DNAH11: variants seen among roughly 807,000 people sequenced by gnomAD.
The protein encoded by DNAH11 is dynein axonemal heavy chain 11.
A neutral mutation model predicts 526.0 loss-of-function variants in DNAH11; 442 were observed. The observed-to-expected ratio is 0.84, with a 90% CI of 0.78 to 0.91. The LOEUF is 0.91. DNAH11 is among the 40% of genes least tolerant of loss of function. The probability of loss-of-function intolerance (pLI) is 0.00; values close to 1 mark genes in which losing one functional copy is unlikely to be tolerated. For synonymous variants in DNAH11, 2,461 were observed against 1,935.9 expected, an observed-to-expected ratio of 1.27 and a Z score of -7.12; for missense variants, 6,989 against 5,448.7, an observed-to-expected ratio of 1.28 and a Z score of -8.90.
intron 75 of DNAH11, among the ~76,000 whole-genome samples, chr7:21,883,901 G>A (rs896815340): frequency 2.0e-5 from 3 of 152,140 alleles, no homozygotes; most frequent in African/African-American, 4.8e-5. Context: ...AAATTAGCGA[G>A]ATGTAGTGTC....
Position 21,744,588 on chromosome 7 carries a change from A to T in DNAH11, c.8305A>T (p.Lys2769Ter). Residue 2769 changes from lysine (K) to a stop codon, truncating the protein, a stop_gained, in exon 50 of 82, where the codon AAA becomes TAA. Coordinates refer to ENST00000409508, the MANE Select transcript of DNAH11 (RefSeq NM_001277115.2). LOFTEE classifies it high-confidence loss of function. ...FQRRMLETAY[K>*]YFEGIDSHML... The stretch of plus-strand genomic sequence containing the variant: ...GAGAAGAATGCTGGAAACTGCTTAT[A>T]AATATTTTGAAGTAAGCGTATGAAT... The T allele has an allele frequency of 6.2e-7, 1 of 1,613,136 alleles. No homozygotes were observed. The highest frequency in any genetic ancestry group is 1.1e-5 in the South Asian group (1 of 90,728).
At chr7:21,738,276 G>A (rs1167187955) in intron 46 of DNAH11, among the ~76,000 whole-genome samples, 1 of 152,200 alleles carries the variant, frequency 6.6e-6, no homozygotes, top group Non-Finnish European at 1.5e-5. Context: ...AAGAAGACAG[G>A]TATGGGAGAC....
Position 21,600,040 on chromosome 7 carries a change from A to G in DNAH11, c.2921A>G (p.Glu974Gly), listed in dbSNP as rs1378614841. ...EAGDGFYDLV[E>G]EMLCNSFRMS... ...GGGGATGGCTTCTATGATCTTGTAGAAGAAATGTTATGCAATAGTTTTAGA... is the reference window on the plus strand; with the variant it reads ...GGGGATGGCTTCTATGATCTTGTAGGAGAAATGTTATGCAATAGTTTTAGA... The change falls in exon 15 of 82, where the codon GAA becomes GGA. Residue 974 changes from glutamate (E) to glycine (G), a missense_variant. By Grantham distance (98) the Glu-to-Gly change is moderately conservative (BLOSUM62 -2). Transcript: ENST00000409508. 5 of 1,611,058 alleles carry G rather than the reference A, an allele frequency of 3.1e-6. No homozygotes were observed. Among genetic ancestry groups the G allele is most frequent in the Non-Finnish European group, 4.2e-6 (5 of 1,178,238 alleles).
chr7:21,812,932 G>A (rs1789599630), intron 63 of DNAH11, among the ~76,000 whole-genome samples: 1 of 152,108 alleles, frequency 6.6e-6, no homozygotes, highest in South Asian at 2.1e-4. Flanking sequence ...GGGAGAGCCT[G>A]GTTTTGCTTA....
chr7:21,722,468 T>C (rs888115731), intron 44 of DNAH11, among the ~76,000 whole-genome samples: 1 of 152,254 alleles, frequency 6.6e-6, no homozygotes, highest in African/African-American at 2.4e-5. Flanking sequence ...GAGTGACCTA[T>C]ATTTCTGTTG....
intron 17 of DNAH11, 93 bp from the exon 18 acceptor site, chr7:21,601,303 A>G (rs570759617): frequency 2.1e-6 from 3 of 1,441,974 alleles, no homozygotes; most frequent in African/African-American, 1.4e-5. Context: ...AATCAGGTAC[A>G]TAATGAAAAT....
At chr7:21,803,802 C>A (rs1272996783) in intron 62 of DNAH11, among the ~76,000 whole-genome samples, 1 of 148,714 alleles carries the variant, frequency 6.7e-6, no homozygotes, top group East Asian at 2.0e-4. Flanking sequence ...TCATTGAAGT[C>A]TGGAAAAGTG....
rs1474923417 is a variant in DNAH11 at position 21,901,423 on chromosome 7, C to G, written c.*169C>G. 3.0e-6 allele frequency: 3 copies of G among 986,566 alleles called. No homozygotes were observed. Among genetic ancestry groups the G allele is most frequent in the Non-Finnish European group, 4.1e-6 (3 of 734,982 alleles). 61.1% of individuals were successfully genotyped at this position (986,566 alleles called of 1,614,324 possible). ...GTCAGAAAAAAATACTAGAAACTAA[C>G]TCAGGGCTGAGCGTGGTGGCACACG... On this transcript the variant is annotated 3_prime_UTR_variant, in exon 82 of 82. Coordinates refer to ENST00000409508, the MANE Select transcript of DNAH11 (RefSeq NM_001277115.2).
intron 65 of DNAH11, among the ~76,000 whole-genome samples, chr7:21,818,769 C>T (rs2128001046): frequency 6.6e-6 from 1 of 152,216 alleles, no homozygotes; most frequent in South Asian, 2.1e-4. Flanking sequence ...ACTGTGCTAG[C>T]TCTGTTTTTT....
rs756000648 is a variant in DNAH11 at position 21,745,081 on chromosome 7, G to A, written c.8510+18G>A. On this transcript the variant is annotated intron_variant, in intron 51 of 81. Coordinates refer to ENST00000409508, the MANE Select transcript of DNAH11 (RefSeq NM_001277115.2). ...CAACATGTGTGAGTTAACTAGTCAC[G>A]ATGCTTTTCCACAAAAGGAAGAATG... 5 of 1,590,120 alleles carry A rather than the reference G, an allele frequency of 3.1e-6. No individual in the cohort carries two copies. The highest frequency in any genetic ancestry group is 3.4e-6 in the Non-Finnish European group (4 of 1,167,474).
intron 65 of DNAH11, among the ~76,000 whole-genome samples, chr7:21,824,307 G>GC (rs1445048772): frequency 2.0e-5 from 3 of 152,042 alleles, no homozygotes; most frequent in Non-Finnish European, 2.9e-5. Context: ...CTACCTTTGT[G>GC]CTCCCCTCCT....
intron 56 of DNAH11, among the ~76,000 whole-genome samples, chr7:21,777,469 G>A (rs1002003906): frequency 5.3e-5 from 8 of 152,114 alleles, no homozygotes; most frequent in African/African-American, 1.7e-4. Flanking sequence ...GTACTTGGAT[G>A]TTTACATTTA....
chr7:21,760,969 C>G (rs924364954), intron 54 of DNAH11, among the ~76,000 whole-genome samples: 1 of 152,118 alleles, frequency 6.6e-6, no homozygotes, highest in South Asian at 2.1e-4. Context: ...CTTATAAGCC[C>G]TTTGCTATAT....
intron 9 of DNAH11, among the ~76,000 whole-genome samples, chr7:21,582,889 A>G (rs1402447295): frequency 6.6e-6 from 1 of 152,152 alleles, no homozygotes; most frequent in African/African-American, 2.4e-5. Context: ...TGACCTTCGA[A>G]TGAATTGGCT....
At chr7:21,597,395 C>A (rs1003184364) in intron 14 of DNAH11, among the ~76,000 whole-genome samples, 3 of 152,012 alleles carry the variant, frequency 2.0e-5, no homozygotes, top group Non-Finnish European at 4.4e-5. Context: ...TCTTTGTTTT[C>A]ATGTCTATGT....
Position 21,571,951 on chromosome 7 carries a change from A to G in DNAH11, c.1571A>G (p.Asp524Gly). The G allele has an allele frequency of 6.3e-7, 1 of 1,584,334 alleles. No homozygotes were observed. The highest frequency in any genetic ancestry group is 8.6e-7 in the Non-Finnish European group (1 of 1,168,656). The change falls in exon 8 of 82, where the codon GAC becomes GGC. Residue 524 changes from aspartate (D) to glycine (G), a missense_variant. Physicochemically the swap from Asp to Gly is moderately conservative, Grantham distance 94. Coordinates refer to ENST00000409508, the MANE Select transcript of DNAH11 (RefSeq NM_001277115.2). ...LCKLFKQSTY[D>G]PSDCTNMEFE... ...AAACTTTTTAAACAGAGCACTTATG[A>G]CCCATCTGATTGCACTAACATGGTA... is the stretch of plus-strand genomic sequence containing the variant.
intron 71 of DNAH11, 147 bp from the exon 72 acceptor site, chr7:21,867,712 G>C: frequency 1.5e-6 from 1 of 682,094 alleles, no homozygotes; most frequent in Non-Finnish European, 2.5e-6. Context: ...CATCTAGCTG[G>C]ATTCATATTG....
At position 21,681,759 on chromosome 7, in the gene DNAH11, CGTT is replaced by C. The variant is rs773188397; in HGVS notation, c.5460+86_5460+88del. ...ATTGCCAGAGTAGTTCCAAGAAAGT[CGTT>C]GTTTTTTTGAAAGTTTGTATGTTTT... On this transcript the variant is annotated intron_variant, in intron 31 of 81. Transcript: ENST00000409508. 41 of 1,557,650 alleles carry C rather than the reference CGTT, an allele frequency of 2.6e-5. No homozygotes were observed. The East Asian group carries it at 8.3e-4, about 32-fold the overall frequency.
chr7:21,700,684 C>T (rs1017777836), intron 36 of DNAH11, among the ~76,000 whole-genome samples: 1 of 152,104 alleles, frequency 6.6e-6, no homozygotes. Flanking sequence ...GCACTATTTA[C>T]AGTAGCAAAG....
Sources: allele counts gnomAD v4.1 joint callset (sites outside exome capture counted in the v4.1 genomes callset), GRCh38; gene constraint gnomAD v4.1.1; transcripts MANE v1.5; gene names NCBI Gene and HGNC (gene_info 2026-07-23, HGNC 2026-07-21).